TENM4: variants seen among roughly 807,000 people sequenced by gnomAD.
TENM4 encodes teneurin-4.
In TENM4, 82 loss-of-function variants were observed where a neutral mutation model predicts 243.3. The observed-to-expected ratio is 0.34, with a 90% CI of 0.28 to 0.40. The LOEUF is 0.40. TENM4 is among the 10% of genes least tolerant of loss of function. The pLI, the probability that TENM4 is intolerant of heterozygous loss-of-function variation, is 1.00. For synonymous variants in TENM4, 1,412 were observed against 1,456.3 expected (o/e 0.97, Z 0.69); for missense variants, 3,138 against 3,673.3 (o/e 0.85, Z 3.77).
At position 78,658,427 on chromosome 11, in the gene TENM4, G is replaced by C. The variant is rs748064001; in HGVS notation, c.7941C>G (p.Val2647=). Residue 2647 remains valine, a synonymous_variant, in exon 34 of 34, where the codon GTC becomes GTG. Coordinates refer to ENST00000278550, the MANE Select transcript of TENM4 (RefSeq NM_001098816.3). ...GTACTGTGTTGATCTGGGACACAGT[G>C]ACGTTGACCCCATTCTCCAGGGTTC... ...GRRTLENGVN[V]TVSQINTVLN... 8.7e-6 allele frequency: 14 copies of C among 1,613,820 alleles called. No individual in the cohort carries two copies. The highest frequency in any genetic ancestry group is 1.2e-5 in the Non-Finnish European group (14 of 1,179,874).
chr11:78,822,100 A>G (rs1209710728), intron 12 of TENM4, among the ~76,000 whole-genome samples: 1 of 152,184 alleles, frequency 6.6e-6, no homozygotes, highest in African/African-American at 2.4e-5. Flanking sequence ...CGCTGGATGT[A>G]TTCAAGGAGA....
At chr11:79,420,899 A>G (rs983233100) in intron 1 of TENM4, among the ~76,000 whole-genome samples, 1 of 152,162 alleles carries the variant, frequency 6.6e-6, no homozygotes, top group African/African-American at 2.4e-5. Context: ...CAGGGATGAT[A>G]CTTCAACTTC....
intron 4 of TENM4, among the ~76,000 whole-genome samples, chr11:79,136,188 T>TATA (rs1426509850): frequency 2.6e-5 from 4 of 152,148 alleles, no homozygotes; most frequent in African/African-American, 4.8e-5. Context: ...CTTATTGAAA[T>TATA]ATAATAATAA....
intron 6 of TENM4, among the ~76,000 whole-genome samples, chr11:79,050,435 A>G (rs1859765243): frequency 6.6e-6 from 1 of 152,124 alleles, no homozygotes; most frequent in Admixed American, 6.5e-5. Context: ...AGACGCCTGG[A>G]GGCACCTCAC....
intron 6 of TENM4, among the ~76,000 whole-genome samples, chr11:78,918,061 T>G (rs1003260529): frequency 1.1e-4 from 16 of 152,334 alleles, no homozygotes; most frequent in Admixed American, 2.0e-4. Context: ...CCATGGCAAC[T>G]AAGTGCCAAG....
At chr11:79,044,052 G>A (rs557774777) in intron 6 of TENM4, among the ~76,000 whole-genome samples, 32 of 152,220 alleles carry the variant, frequency 2.1e-4, no homozygotes, top group Non-Finnish European at 3.2e-4. Context: ...CCAAGGATGG[G>A]GATTCCTGAG....
At chr11:78,706,516 G>A (rs1206756176) in intron 27 of TENM4, among the ~76,000 whole-genome samples, 1 of 152,200 alleles carries the variant, frequency 6.6e-6, no homozygotes, top group Non-Finnish European at 1.5e-5. Context: ...GCGCAAATGT[G>A]TCTGTAAAAT....
intron 2 of TENM4, among the ~76,000 whole-genome samples, chr11:79,232,596 A>G (rs537679099): frequency 3.2e-4 from 48 of 152,344 alleles, no homozygotes; most frequent in African/African-American, 1.1e-3. Context: ...AGTGCATCCC[A>G]AAACAATTCG....
At chr11:78,700,353 G>C (rs966331448) in intron 28 of TENM4, among the ~76,000 whole-genome samples, 1 of 152,184 alleles carries the variant, frequency 6.6e-6, no homozygotes, top group East Asian at 1.9e-4. Context: ...AGCCTTCAGA[G>C]CCTCAGTTTC....
chr11:79,159,326 T>C (rs765878146), intron 3 of TENM4, among the ~76,000 whole-genome samples: 40 of 152,212 alleles, frequency 2.6e-4, no homozygotes, highest in Non-Finnish European at 5.0e-4. Flanking sequence ...AGTTGGCATG[T>C]AGTATCTGAT....
intron 25 of TENM4, 52 bp from the exon 26 acceptor site, chr11:78,712,766 T>A: frequency 6.6e-7 from 1 of 1,523,392 alleles, no homozygotes; most frequent in Non-Finnish European, 9.1e-7. Flanking sequence ...TTCCTATGAG[T>A]AGCTGGAGAT....
chr11:78,995,536 T>C (rs1226103084), intron 6 of TENM4, among the ~76,000 whole-genome samples: 1 of 152,148 alleles, frequency 6.6e-6, no homozygotes, highest in African/African-American at 2.4e-5. Flanking sequence ...AAAAATAGTA[T>C]AAGACACTTA....
At chr11:78,877,641 C>T (rs1260987937) in intron 9 of TENM4, among the ~76,000 whole-genome samples, 1 of 152,128 alleles carries the variant, frequency 6.6e-6, no homozygotes, top group Admixed American at 6.5e-5. Context: ...CCCCTGGGGG[C>T]TTTAAATTGC....
chr11:78,922,734 A>G (rs1029256492), intron 6 of TENM4, among the ~76,000 whole-genome samples: 53 of 152,360 alleles, frequency 3.5e-4, no homozygotes, highest in Admixed American at 3.3e-3. Context: ...GACCTGTGAC[A>G]TATCAGGAAA....
intron 15 of TENM4, among the ~76,000 whole-genome samples, chr11:78,788,590 G>A (rs761793281): frequency 5.3e-5 from 8 of 152,368 alleles, no homozygotes; most frequent in Non-Finnish European, 1.2e-4. Context: ...CTGCCTTGCA[G>A]CAGCCCTTTG....
At chr11:79,171,515 G>T (rs1187330541) in intron 3 of TENM4, among the ~76,000 whole-genome samples, 2 of 152,126 alleles carry the variant, frequency 1.3e-5, no homozygotes, top group Non-Finnish European at 2.9e-5. Context: ...TAACCGTTGG[G>T]TTCCTTTAAA....
At chr11:79,023,871 A>T (rs1317095276) in intron 6 of TENM4, among the ~76,000 whole-genome samples, 9 of 152,168 alleles carry the variant, frequency 5.9e-5, no homozygotes. Context: ...ATGTGGCTTG[A>T]TAGGCAGGGG....
chr11:78,747,909 C>T (rs935749600), intron 19 of TENM4, among the ~76,000 whole-genome samples: 6 of 152,210 alleles, frequency 3.9e-5, no homozygotes, highest in African/African-American at 1.4e-4. Flanking sequence ...CGAACCTTCA[C>T]TTGGGACTCC....
At chr11:79,165,104 C>G (rs1862884036) in intron 3 of TENM4, among the ~76,000 whole-genome samples, 1 of 151,886 alleles carries the variant, frequency 6.6e-6, no homozygotes, top group South Asian at 2.1e-4. Context: ...TATAAACATG[C>G]TTGTACAAGT....
Sources: allele counts gnomAD v4.1 joint callset (sites outside exome capture counted in the v4.1 genomes callset), GRCh38; gene constraint gnomAD v4.1.1; transcripts MANE v1.5; gene names NCBI Gene and HGNC (gene_info 2026-07-23, HGNC 2026-07-21).